The following CSMD2 variants were observed in gnomAD, a reference collection of about 807,000 sequenced individuals.
The protein encoded by CSMD2 is CUB and Sushi multiple domains 2.
Under a neutral mutation model 398.5 loss-of-function variants are expected in CSMD2, and 130 were observed. That is an observed-to-expected ratio of 0.33 (90% CI 0.28 to 0.38). CSMD2 has a LOEUF of 0.38. CSMD2 is among the 10% of genes least tolerant of loss of function. CSMD2 has a pLI of 1.00. For synonymous variants in CSMD2, 1,828 were observed against 1,908.5 expected (o/e 0.96, Z 1.10); for missense variants, 3,829 against 4,764.9 (o/e 0.80, Z 5.78).
intron 3 of CSMD2, among the ~76,000 whole-genome samples, chr1:33,969,438 T>C (rs894162842): frequency 7.2e-5 from 11 of 152,174 alleles, no homozygotes; most frequent in Non-Finnish European, 1.3e-4. Context: ...GACAGTGCGA[T>C]GGATGGATGG....
At chr1:34,007,289 C>T (rs982856155) in intron 3 of CSMD2, among the ~76,000 whole-genome samples, 4 of 152,126 alleles carry the variant, frequency 2.6e-5, no homozygotes, top group Non-Finnish European at 5.9e-5. Context: ...TTACTCGGTC[C>T]TCTGTGGATG....
At position 33,700,596 on chromosome 1, in the gene CSMD2, G is replaced by C. The variant is rs1178104908; in HGVS notation, c.3654C>G (p.Asn1218Lys). ...SHSEMMGVTL[N>K]STSSSLWLDF... is the part of the protein sequence containing the mutation. Reference sequence around the variant, plus strand: ...CAAGCCACAGACTGCTGGATGTGCTGTTCAAAGTCACCCCCATCATCTCAG... The same window carrying C: ...CAAGCCACAGACTGCTGGATGTGCTCTTCAAAGTCACCCCCATCATCTCAG... Residue 1218 changes from asparagine to lysine, a missense_variant, in exon 23 of 71, where the codon AAC becomes AAG. Transcript: ENST00000373381. 1.2e-6 allele frequency: 2 copies of C among 1,614,160 alleles called. No individual in the cohort carries two copies. Among genetic ancestry groups the C allele is most frequent in the Non-Finnish European group, 8.5e-7 (1 of 1,180,030 alleles).
intron 44 of CSMD2, among the ~76,000 whole-genome samples, chr1:33,596,731 G>A (rs1639864405): frequency 6.6e-6 from 1 of 152,166 alleles, no homozygotes. Flanking sequence ...TGGCCCCCAT[G>A]ATTCAATTAT....
chr1:34,123,662 T>C (rs1471774122), intron 1 of CSMD2, among the ~76,000 whole-genome samples: 1 of 151,560 alleles, frequency 6.6e-6, no homozygotes, highest in African/African-American at 2.4e-5. Context: ...TATCATCAGG[T>C]AGATAGGGTA....
chr1:33,807,361 G>A (rs1418632642), intron 10 of CSMD2, among the ~76,000 whole-genome samples: 2 of 152,152 alleles, frequency 1.3e-5, no homozygotes, highest in African/African-American at 4.8e-5. Context: ...ATATACCCAT[G>A]TAACAAACCT....
rs190605823 is a variant in CSMD2 at position 34,043,604 on chromosome 1, A to G, written c.405-10898T>C. On this transcript the variant is annotated intron_variant, in intron 2 of 70. Coordinates refer to ENST00000373381, the MANE Select transcript of CSMD2 (RefSeq NM_001281956.2). ...TACATATTAGATGCAATATAGAGTC[A>G]ATAAATGACGGTTTCACTATGAGAA... 5.3e-5 allele frequency among the ~76,000 whole-genome samples: 8 copies of G among 152,376 alleles called. No individual in the cohort carries two copies. In the East Asian group the frequency reaches 1.4e-3, roughly 26 times the overall value.
intron 1 of CSMD2, among the ~76,000 whole-genome samples, chr1:34,125,528 T>TGC (rs2148481909): frequency 6.6e-6 from 1 of 151,788 alleles, no homozygotes; most frequent in South Asian, 2.1e-4. Flanking sequence ...TGTGTGTGTG[T>TGC]GTGTGTGTGT....
At chr1:33,922,566 G>C (rs889712175) in intron 4 of CSMD2, among the ~76,000 whole-genome samples, 6 of 152,176 alleles carry the variant, frequency 3.9e-5, no homozygotes, top group Non-Finnish European at 7.3e-5. Context: ...AACCCAACTA[G>C]ATATTCCACA....
intron 1 of CSMD2, among the ~76,000 whole-genome samples, chr1:34,095,351 T>A (rs1212807530): frequency 6.8e-6 from 1 of 148,048 alleles, no homozygotes; most frequent in African/African-American, 2.5e-5. Context: ...TTAAAAGAAC[T>A]AGAAAAGCAA....
intron 70 of CSMD2, among the ~76,000 whole-genome samples, chr1:33,517,115 T>G (rs547456570): frequency 2.6e-5 from 4 of 152,178 alleles, no homozygotes; most frequent in Non-Finnish European, 5.9e-5. Context: ...TAGTAGGGTG[T>G]TTATTTTAAT....
At position 33,624,503 on chromosome 1, in the gene CSMD2, G is replaced by T. The variant is rs756407376; in HGVS notation, c.5625+16C>A. The T allele has an allele frequency of 6.2e-7, 1 of 1,611,188 alleles. No individual in the cohort carries two copies. The highest frequency in any genetic ancestry group is 8.5e-7 in the Non-Finnish European group (1 of 1,178,234). On this transcript the variant is annotated intron_variant, in intron 35 of 70. Coordinates refer to ENST00000373381, the MANE Select transcript of CSMD2 (RefSeq NM_001281956.2). The surrounding 1 kb of genome is among the most constrained non-coding windows in gnomAD (Gnocchi z 4.7). ...AGACGGCCACCTGCCCGACCGAGGC[G>T]CCCCCTTGCCCCTACCTGGATGCCA...
At chr1:33,752,782 T>C (rs1648439487) in intron 13 of CSMD2, among the ~76,000 whole-genome samples, 1 of 152,154 alleles carries the variant, frequency 6.6e-6, no homozygotes, top group Non-Finnish European at 1.5e-5. Context: ...ATAGGGACAG[T>C]GAAGGCCAGG....
chr1:33,928,671 T>C (rs1211603032), intron 4 of CSMD2, among the ~76,000 whole-genome samples: 2 of 152,192 alleles, frequency 1.3e-5, no homozygotes, highest in Admixed American at 6.5e-5. Flanking sequence ...TCTGGTATAG[T>C]AACAGTAATT....
intron 6 of CSMD2, among the ~76,000 whole-genome samples, chr1:33,833,393 A>G (rs1433366614): frequency 1.3e-5 from 2 of 150,696 alleles, no homozygotes; most frequent in Non-Finnish European, 2.9e-5. Flanking sequence ...AGAGCCAAAG[A>G]CAAAAACCAC....
intron 1 of CSMD2, among the ~76,000 whole-genome samples, chr1:34,130,129 G>C (rs1663183342): frequency 6.6e-6 from 1 of 152,048 alleles, no homozygotes; most frequent in Non-Finnish European, 1.5e-5. Flanking sequence ...TGTGGCACTG[G>C]GGGTACAGAG....
At chr1:34,128,399 C>T (rs1443031359) in intron 1 of CSMD2, among the ~76,000 whole-genome samples, 2 of 152,190 alleles carry the variant, frequency 1.3e-5, no homozygotes, top group African/African-American at 2.4e-5. Context: ...AGGGATGCTG[C>T]GCTCGGGTCT....
At position 33,559,837 on chromosome 1, in the gene CSMD2, T is replaced by C. The variant is rs2148658986; in HGVS notation, c.8381-364A>G. Among the ~76,000 whole-genome samples, 1 of 152,248 alleles carries C rather than the reference T, an allele frequency of 6.6e-6. No homozygotes were observed. The highest frequency in any genetic ancestry group is 2.1e-4 in the South Asian group (1 of 4,802). The stretch of plus-strand genomic sequence containing the variant: ...TGCTGGGTATACTGATGGCCAACTG[T>C]CAGCTGGTTTAGGCCCATCCTCATT... On this transcript the variant is annotated intron_variant, in intron 53 of 70. Transcript: ENST00000373381. The surrounding 1 kb of genome is among the most constrained non-coding windows in gnomAD (Gnocchi z 4.0).
chr1:33,884,855 C>T (rs1641483674), intron 5 of CSMD2: 4 of 152,348 alleles, frequency 2.6e-5, no homozygotes, highest in Admixed American at 2.6e-4. Flanking sequence ...CCCCCTTTGT[C>T]CAGAGCCCTA....
At chr1:34,092,389 T>C (rs1450377242) in intron 1 of CSMD2, among the ~76,000 whole-genome samples, 1 of 152,102 alleles carries the variant, frequency 6.6e-6, no homozygotes, top group Non-Finnish European at 1.5e-5. Flanking sequence ...GAAAAATAGA[T>C]TGTCGGGGGG....
Sources: allele counts gnomAD v4.1 joint callset (sites outside exome capture counted in the v4.1 genomes callset), GRCh38; gene constraint gnomAD v4.1.1; non-coding constraint Gnocchi (gnomAD v3.1); transcripts MANE v1.5; gene names NCBI Gene and HGNC (gene_info 2026-07-23, HGNC 2026-07-21).